MROH1: variants seen among roughly 807,000 people sequenced by gnomAD.
The protein encoded by MROH1 is maestro heat like repeat family member 1.
Under a neutral mutation model 116.5 loss-of-function variants are expected in MROH1, and 117 were observed. The ratio of observed to expected loss-of-function variants is 1.00; its 90% CI spans 0.86 to 1.17. The LOEUF (loss-of-function observed/expected upper bound fraction) is 1.17, where lower values mean the gene tolerates loss of function less well. Ranked by LOEUF, MROH1 falls within the 50% of genes most tolerant of loss-of-function variation. The probability of loss-of-function intolerance (pLI) is 0.00; values close to 1 mark genes in which losing one functional copy is unlikely to be tolerated. For missense variants in MROH1, 1,873 were observed against 1,338.5 expected (o/e 1.40, Z -6.23); for synonymous variants, 921 against 583.9 (o/e 1.58, Z -8.32).
chr8:144,175,892 T>C (rs992599556), intron 4 of MROH1, among the ~76,000 whole-genome samples: 13 of 151,798 alleles, frequency 8.6e-5, no homozygotes, highest in African/African-American at 2.9e-4. Flanking sequence ...CTACTAAAAA[T>C]ACAAAAATTA....
At chr8:144,169,258 A>C (rs1821804123) in intron 4 of MROH1, among the ~76,000 whole-genome samples, 2 of 152,162 alleles carry the variant, frequency 1.3e-5, no homozygotes, top group South Asian at 4.1e-4. Flanking sequence ...TTTGGTATGT[A>C]AAAAGGGACC....
At chr8:144,212,410 T>C (rs1284302813) in intron 12 of MROH1, among the ~76,000 whole-genome samples, 1 of 151,798 alleles carries the variant, frequency 6.6e-6, no homozygotes, top group Non-Finnish European at 1.5e-5. Context: ...AAGACAGTAG[T>C]CTGTTTCTGG....
chr8:144,156,881 C>A (rs1433561933), intron 1 of MROH1, among the ~76,000 whole-genome samples: 15 of 146,034 alleles, frequency 1.0e-4, no homozygotes, highest in African/African-American at 3.5e-4. Flanking sequence ...TTCCTGGGTT[C>A]AAGCAATTCT....
chr8:144,220,256 GCC>G (rs1412284973), intron 12 of MROH1, among the ~76,000 whole-genome samples: 5 of 152,114 alleles, frequency 3.3e-5, no homozygotes, highest in African/African-American at 9.7e-5. Context: ...AGAGGACCCT[GCC>G]CCCAGTGCTT....
intron 13 of MROH1, among the ~76,000 whole-genome samples, chr8:144,222,102 G>A (rs998158919): frequency 7.5e-6 from 1 of 133,566 alleles, no homozygotes; most frequent in African/African-American, 2.5e-5. Flanking sequence ...AGGAAACATG[G>A]GGATCACACG....
At chr8:144,219,985 G>T (rs142312717) in intron 12 of MROH1, among the ~76,000 whole-genome samples, 2 of 152,214 alleles carry the variant, frequency 1.3e-5, no homozygotes, top group Non-Finnish European at 2.9e-5. Context: ...AAGGACTGTC[G>T]TGTGGGACAG....
chr8:144,179,847 C>T (rs577417030), intron 5 of MROH1, among the ~76,000 whole-genome samples: 2 of 152,272 alleles, frequency 1.3e-5, no homozygotes, highest in African/African-American at 2.4e-5. Flanking sequence ...CAGCTGGGGC[C>T]AAAGGCTGTG....
chr8:144,184,839 GC>G (rs1195571567), intron 7 of MROH1, among the ~76,000 whole-genome samples: 1 of 152,238 alleles, frequency 6.6e-6, no homozygotes, highest in East Asian at 1.9e-4. Context: ...GCCGCCAGGA[GC>G]TGCTGACTTT....
At chr8:144,240,911 C>T in intron 20 of MROH1, 81 bp from the exon 21 acceptor site, 2 of 713,680 alleles carry the variant, frequency 2.8e-6, no homozygotes, top group East Asian at 2.7e-5. Context: ...GGAGGTGCAC[C>T]CCAGGGGCAG....
At chr8:144,175,235 C>T (rs1314409162) in intron 4 of MROH1, 1 of 881,614 alleles carries the variant, frequency 1.1e-6, no homozygotes, top group Non-Finnish European at 1.4e-6. Context: ...CTGCCCCTCC[C>T]AGCAGCGGGT....
intron 14 of MROH1, among the ~76,000 whole-genome samples, chr8:144,233,357 A>G (rs1266444032): frequency 7.4e-5 from 5 of 67,776 alleles, no homozygotes; most frequent in African/African-American, 2.0e-4. Context: ...CCCACCATCA[A>G]CCTTCCCTCC....
intron 11 of MROH1, 147 bp from the exon 12 acceptor site, chr8:144,200,281 C>G (rs1239483217): frequency 3.2e-6 from 2 of 634,264 alleles, no homozygotes; most frequent in East Asian, 5.6e-5. Context: ...GCATCGGAGC[C>G]AGGCCCAGCG....
At chr8:144,253,277 T>C (rs1434090232) in intron 33 of MROH1, among the ~76,000 whole-genome samples, 1 of 152,174 alleles carries the variant, frequency 6.6e-6, no homozygotes, top group Non-Finnish European at 1.5e-5. Context: ...CACGTGAAAA[T>C]GATAGGAAAT....
chr8:144,219,434 AG>A (rs1306791848), intron 12 of MROH1, among the ~76,000 whole-genome samples: 8 of 152,180 alleles, frequency 5.3e-5, no homozygotes, highest in African/African-American at 1.9e-4. Context: ...CTGGGTTTAC[AG>A]CCATGAGCCA....
intron 33 of MROH1, among the ~76,000 whole-genome samples, chr8:144,253,570 C>T (rs954678145): frequency 3.3e-5 from 5 of 152,298 alleles, no homozygotes; most frequent in East Asian, 3.9e-4. Flanking sequence ...CTTGCTGGCG[C>T]GTGCTGTGTG....
At chr8:144,175,356 T>G in intron 4 of MROH1, 1 of 324,114 alleles carries the variant, frequency 3.1e-6, no homozygotes, top group Non-Finnish European at 4.3e-6. Flanking sequence ...CCTCCCCCCC[T>G]CCCAGCAACA....
chr8:144,204,474 T>A (rs1223930350), intron 12 of MROH1, among the ~76,000 whole-genome samples: 1 of 152,206 alleles, frequency 6.6e-6, no homozygotes, highest in Non-Finnish European at 1.5e-5. Context: ...AATGTACACG[T>A]TAACTGTTCA....
intron 14 of MROH1, among the ~76,000 whole-genome samples, chr8:144,231,531 G>T (rs1838885735): frequency 6.6e-6 from 1 of 152,158 alleles, no homozygotes; most frequent in South Asian, 2.1e-4. Flanking sequence ...CCTAGCAGAG[G>T]GCGAGAGGTG....
intron 20 of MROH1, 81 bp from the exon 21 acceptor site, chr8:144,240,911 C>G: frequency 1.4e-6 from 1 of 713,680 alleles, no homozygotes; most frequent in Non-Finnish European, 2.6e-6. Context: ...GGAGGTGCAC[C>G]CCAGGGGCAG....
Sources: allele counts gnomAD v4.1 joint callset (sites outside exome capture counted in the v4.1 genomes callset), GRCh38; gene constraint gnomAD v4.1.1; transcripts MANE v1.5; gene names NCBI Gene and HGNC (gene_info 2026-07-23, HGNC 2026-07-21).